Variants in FOXP1 observed in about 807,000 individuals in gnomAD.
The protein encoded by FOXP1 is forkhead box P1, also known as forkhead box protein P1.
In FOXP1, 15 loss-of-function variants were observed where a neutral mutation model predicts 98.2. That is an observed-to-expected ratio of 0.15 (90% CI 0.10 to 0.24). The LOEUF is 0.24. Ranked by LOEUF, FOXP1 falls within the 10% of genes least tolerant of loss-of-function variation. The probability of loss-of-function intolerance (pLI) is 1.00; values close to 1 mark genes in which losing one functional copy is unlikely to be tolerated. For missense variants in FOXP1, 633 were observed against 848.5 expected, an observed-to-expected ratio of 0.75 and a Z score of 3.15; for synonymous variants, 371 against 314.5, an observed-to-expected ratio of 1.18 and a Z score of -1.90.
intron 6 of FOXP1, among the ~76,000 whole-genome samples, chr3:71,191,793 C>G (rs927826690): frequency 2.6e-5 from 4 of 152,120 alleles, no homozygotes; most frequent in African/African-American, 9.7e-5. Context: ...CTTTATTTGT[C>G]AGAATTATCT....
rs541558796 is a variant in FOXP1, at chr3:71,387,489, A to G, written c.-167-28245T>C. On this transcript the variant is annotated intron_variant, in intron 3 of 20. Coordinates refer to ENST00000649528, the MANE Select transcript of FOXP1 (RefSeq NM_001349338.3). The stretch of plus-strand genomic sequence containing the variant: ...TTTCTTTCTCTTTCTCATTATAAGT[A>G]AGGATTTCAGATGTTTTAATGAGCC... Among the ~76,000 whole-genome samples, 5 of 152,354 alleles carry G rather than the reference A, an allele frequency of 3.3e-5. No homozygotes were observed. In the East Asian group the frequency reaches 9.6e-4, roughly 29 times the overall value.
chr3:71,348,698 T>C (rs960359768), intron 4 of FOXP1, among the ~76,000 whole-genome samples: 3 of 151,830 alleles, frequency 2.0e-5, no homozygotes, highest in African/African-American at 7.3e-5. Flanking sequence ...GTGCTATCAT[T>C]TGAATGTTAT....
intron 4 of FOXP1, among the ~76,000 whole-genome samples, chr3:71,309,531 A>G (rs1242975748): frequency 6.6e-6 from 1 of 152,192 alleles, no homozygotes; most frequent in Non-Finnish European, 1.5e-5. Flanking sequence ...ACAAGAACAC[A>G]AAAGATGTGT....
intron 6 of FOXP1, among the ~76,000 whole-genome samples, chr3:71,133,908 AG>A (rs2107944280): frequency 6.6e-6 from 1 of 152,282 alleles, no homozygotes; most frequent in Non-Finnish European, 1.5e-5. Context: ...ATGACTCTAT[AG>A]TATTTCCTAG....
intron 13 of FOXP1, among the ~76,000 whole-genome samples, chr3:70,995,490 CAGATGA>C (rs377510023): frequency 4.5e-4 from 68 of 152,248 alleles, no homozygotes; most frequent in African/African-American, 1.6e-3. Context: ...CAAAAAAGAA[CAGATGA>C]AATCTTACTG....
chr3:71,569,349 T>G lies in FOXP1; in HGVS notation c.-298+12200A>C, dbSNP rs926531789. 4.6e-5 allele frequency among the ~76,000 whole-genome samples: 7 copies of G among 152,284 alleles called. No homozygotes were observed. The East Asian group carries it at 1.2e-3, about 25-fold the overall frequency. On this transcript the variant is annotated intron_variant, in intron 2 of 20. Transcript: ENST00000649528. ...CAGCACACATATCCACAGAAAACACTTGCAACTCCACAGGCCCATTACGGC... is the reference window on the plus strand; with the variant it reads ...CAGCACACATATCCACAGAAAACACGTGCAACTCCACAGGCCCATTACGGC...
At chr3:71,529,500 A>G (rs1033516181) in intron 2 of FOXP1, among the ~76,000 whole-genome samples, 7 of 152,174 alleles carry the variant, frequency 4.6e-5, no homozygotes, top group African/African-American at 1.7e-4. Flanking sequence ...AGGCCTCAGG[A>G]TGGGGGAGCC....
chr3:71,338,132 A>T (rs1305315197), intron 4 of FOXP1, among the ~76,000 whole-genome samples: 1 of 152,224 alleles, frequency 6.6e-6, no homozygotes, highest in Non-Finnish European at 1.5e-5. Context: ...GATAAATGAC[A>T]TAAGAGAAAT....
At chr3:71,500,732 C>T (rs2041273733) in intron 2 of FOXP1, among the ~76,000 whole-genome samples, 1 of 152,208 alleles carries the variant, frequency 6.6e-6, no homozygotes, top group South Asian at 2.1e-4. Context: ...CCTGTTACAG[C>T]CAAGTCGTTC....
chr3:71,168,929 T>G (rs1023080315), intron 6 of FOXP1, among the ~76,000 whole-genome samples: 14 of 152,200 alleles, frequency 9.2e-5, no homozygotes, highest in African/African-American at 2.7e-4. Flanking sequence ...ATTTAATTAC[T>G]TCTCCTTTCA....
chr3:70,982,204 G>C (rs2107409143), intron 14 of FOXP1, among the ~76,000 whole-genome samples: 1 of 152,294 alleles, frequency 6.6e-6, no homozygotes, highest in Non-Finnish European at 1.5e-5. Flanking sequence ...TAGAACAGAA[G>C]AGCAAATGGG....
At chr3:71,421,653 T>C (rs1277521876) in intron 3 of FOXP1, among the ~76,000 whole-genome samples, 1 of 152,040 alleles carries the variant, frequency 6.6e-6, no homozygotes, top group Non-Finnish European at 1.5e-5. Flanking sequence ...TAGTGAATGG[T>C]TCACACTAGA....
At chr3:71,099,755 A>G (rs2056797688) in intron 7 of FOXP1, among the ~76,000 whole-genome samples, 1 of 152,146 alleles carries the variant, frequency 6.6e-6, no homozygotes, top group Admixed American at 6.5e-5. Flanking sequence ...CCATGGTATT[A>G]ATCACAATGT....
At chr3:71,262,747 T>C (rs1463381187) in intron 5 of FOXP1, among the ~76,000 whole-genome samples, 1 of 152,204 alleles carries the variant, frequency 6.6e-6, no homozygotes, top group African/African-American at 2.4e-5. Flanking sequence ...TCTGCTAATT[T>C]GAGGCTTGAC....
At chr3:71,314,813 T>C (rs2074961122) in intron 4 of FOXP1, among the ~76,000 whole-genome samples, 1 of 151,770 alleles carries the variant, frequency 6.6e-6, no homozygotes, top group Non-Finnish European at 1.5e-5. Context: ...GGGGAGATGT[T>C]CAAAGAAGGA....
intron 3 of FOXP1, among the ~76,000 whole-genome samples, chr3:71,440,941 C>T (rs2085876342): frequency 1.3e-5 from 2 of 152,184 alleles, no homozygotes; most frequent in Non-Finnish European, 2.9e-5. Flanking sequence ...CTACCCTGTT[C>T]CTCACATTTT....
At chr3:71,402,144 A>G (rs1382818499) in intron 3 of FOXP1, among the ~76,000 whole-genome samples, 2 of 152,154 alleles carry the variant, frequency 1.3e-5, no homozygotes, top group Admixed American at 1.3e-4. Context: ...CATGCCAAAG[A>G]TGTTTATTGC....
At chr3:71,376,598 G>C (rs141393422) in intron 3 of FOXP1, among the ~76,000 whole-genome samples, 2 of 152,184 alleles carry the variant, frequency 1.3e-5, no homozygotes, top group African/African-American at 2.4e-5. Flanking sequence ...TCAAAATAGC[G>C]TAAGAAGCCA....
At chr3:71,071,155 T>C (rs1451566126) in intron 7 of FOXP1, among the ~76,000 whole-genome samples, 1 of 152,178 alleles carries the variant, frequency 6.6e-6, no homozygotes, top group East Asian at 1.9e-4. Context: ...AAGGTTTGTC[T>C]CCTTTTCTAG....
Sources: allele counts gnomAD v4.1 joint callset (sites outside exome capture counted in the v4.1 genomes callset), GRCh38; gene constraint gnomAD v4.1.1; transcripts MANE v1.5; gene names NCBI Gene and HGNC (gene_info 2026-07-23, HGNC 2026-07-21).